Variants in SH2D4B observed in about 807,000 individuals in gnomAD.
The protein encoded by SH2D4B is SH2 domain-containing protein 4B.
Under a neutral mutation model 61.5 loss-of-function variants are expected in SH2D4B, and 45 were observed. That is an observed-to-expected ratio of 0.73 (90% CI 0.58 to 0.94). The LOEUF (loss-of-function observed/expected upper bound fraction) is 0.94, where lower values mean the gene tolerates loss of function less well. Ranked by LOEUF, SH2D4B falls within the 40% of genes least tolerant of loss-of-function variation. SH2D4B has a pLI of 0.00. For missense variants in SH2D4B, 572 were observed against 574.2 expected (o/e 1.00, Z 0.04); for synonymous variants, 224 against 220.4 (o/e 1.02, Z -0.14).
chr10:80,547,597 G>T (rs977580175), intron 1 of SH2D4B, among the ~76,000 whole-genome samples: 7 of 152,170 alleles, frequency 4.6e-5, no homozygotes, highest in African/African-American at 1.7e-4. Flanking sequence ...GTGACTGACA[G>T]AATCTCCTCC....
At position 80,539,729 on chromosome 10, in the gene SH2D4B, T is replaced by C. The variant is rs1841553617; in HGVS notation, c.184+1214T>C. Among the ~76,000 whole-genome samples the C allele has an allele frequency of 6.6e-6, 1 of 152,154 alleles. No homozygotes were observed. Among genetic ancestry groups the C allele is most frequent in the South Asian group, 2.1e-4 (1 of 4,832 alleles). ...CTCATCTGCTTGCCTGGCTCTCCGA[T>C]GGGCTCAAAGGCACTGGTGTGTGAG... On this transcript the variant is annotated intron_variant, in intron 1 of 7. Transcript: ENST00000646907. This position sits in a 1 kb window ranked among gnomAD's most constrained non-coding sequence, Gnocchi z 4.9.
rs1043227365 is a variant in SH2D4B at position 80,562,905 on chromosome 10, T to C, written c.185-7249T>C. On this transcript the variant is annotated intron_variant, in intron 1 of 7. Coordinates refer to ENST00000646907, the MANE Select transcript of SH2D4B (RefSeq NM_001388272.1). ...GCTGAACATTTTTTCTTTTTTTTTTTTTTTTTTTTTTTTTGAGACGGAGTC... is the reference window on the plus strand; with the variant it reads ...GCTGAACATTTTTTCTTTTTTTTTTCTTTTTTTTTTTTTTGAGACGGAGTC... 8.8e-3 allele frequency among the ~76,000 whole-genome samples: 1,203 copies of C among 136,660 alleles called. 14 individuals are homozygous for C. The highest frequency in any genetic ancestry group is 0.031 in the African/African-American group (1,124 of 36,578). 89.7% of individuals were successfully genotyped at this position (136,660 alleles called of 152,430 possible). A position where few individuals can be genotyped will look rare whatever the true frequency, so the allele number is the denominator to read the frequency against.
intron 1 of SH2D4B, among the ~76,000 whole-genome samples, chr10:80,558,563 T>C (rs2125037): frequency 0.41 from 62,069 of 152,006 alleles, 16,146 homozygotes; most frequent in African/African-American, 0.75. Context: ...TCACTGCAAC[T>C]TCCATCTTCT....
rs869061750 is a variant in SH2D4B, at chr10:80,572,945, AAT to A, written c.495+1408_495+1409del. Reference sequence around the variant, plus strand: ...TGTTGGCCTTTTCATGTATGTTGCAAATATATATATATATATATATATATATA... The same window carrying A: ...TGTTGGCCTTTTCATGTATGTTGCAAATATATATATATATATATATATATA... On this transcript the variant is annotated intron_variant, in intron 3 of 7. Transcript: ENST00000646907. Among the ~76,000 whole-genome samples, 152 of 20,650 alleles carry A rather than the reference AAT, an allele frequency of 7.4e-3. 1 individual carries two copies. The highest frequency in any genetic ancestry group is 0.011 in the African/African-American group (72 of 6,332). The allele number at this position is 20,650 out of a possible 152,430, so 13.5% of individuals were successfully genotyped here.
chr10:80,553,567 G>A (rs999261039), intron 1 of SH2D4B, among the ~76,000 whole-genome samples: 3 of 152,222 alleles, frequency 2.0e-5, no homozygotes, highest in Admixed American at 6.5e-5. Flanking sequence ...TCATGGCCCC[G>A]GTGGGAGCTG....
intron 7 of SH2D4B, among the ~76,000 whole-genome samples, chr10:80,634,722 C>T (rs1056437106): frequency 2.0e-5 from 3 of 152,140 alleles, no homozygotes; most frequent in South Asian, 2.1e-4. Flanking sequence ...CTGGGGCATG[C>T]GGGCACCTCT....
At chr10:80,613,014 C>T (rs1842618905) in intron 6 of SH2D4B, among the ~76,000 whole-genome samples, 1 of 152,172 alleles carries the variant, frequency 6.6e-6, no homozygotes, top group Non-Finnish European at 1.5e-5. Flanking sequence ...CTTTGTCCAC[C>T]ATAAAAAGCC....
Position 80,634,523 on chromosome 10 carries a change from A to G in SH2D4B, c.1209+18A>G. The G allele has an allele frequency of 6.5e-7, 1 of 1,546,754 alleles. No individual in the cohort carries two copies. Among genetic ancestry groups the G allele is most frequent in the Non-Finnish European group, 8.7e-7 (1 of 1,145,544 alleles). On this transcript the variant is annotated intron_variant, in intron 7 of 7. Transcript: ENST00000646907. The stretch of plus-strand genomic sequence containing the variant: ...TCCATAAGGTATCCCTCACAGGGAT[A>G]CTAATGGGGGGGAGGGGGAACTGGT...
At chr10:80,557,413 T>G (rs549185439) in intron 1 of SH2D4B, among the ~76,000 whole-genome samples, 32 of 152,278 alleles carry the variant, frequency 2.1e-4, no homozygotes, top group African/African-American at 7.2e-4. Flanking sequence ...TATTCTCTCC[T>G]CTTCCATTTT....
chr10:80,625,847 T>G (rs953860331), intron 6 of SH2D4B, among the ~76,000 whole-genome samples: 1 of 152,068 alleles, frequency 6.6e-6, no homozygotes, highest in Non-Finnish European at 1.5e-5. Context: ...GTGCTGGAAT[T>G]ACATGTGTGA....
chr10:80,549,203 T>G (rs1207502733), intron 1 of SH2D4B, among the ~76,000 whole-genome samples: 147 of 120,298 alleles, frequency 1.2e-3, no homozygotes, highest in African/African-American at 5.5e-3. Context: ...TGGGACTTGA[T>G]TGTGTGTGTG....
intron 4 of SH2D4B, among the ~76,000 whole-genome samples, chr10:80,599,449 C>T (rs1010619579): frequency 1.3e-5 from 2 of 152,204 alleles, no homozygotes; most frequent in Non-Finnish European, 2.9e-5. Context: ...CGATTAGTGT[C>T]CTGCTTAGGG....
intron 1 of SH2D4B, among the ~76,000 whole-genome samples, chr10:80,553,441 T>C (rs1005720096): frequency 1.3e-5 from 2 of 152,230 alleles, no homozygotes; most frequent in Non-Finnish European, 2.9e-5. Flanking sequence ...CACTGGCACA[T>C]TGATTCTGCT....
chr10:80,592,963 C>T (rs187568131), intron 4 of SH2D4B, among the ~76,000 whole-genome samples: 11 of 152,182 alleles, frequency 7.2e-5, no homozygotes, highest in African/African-American at 2.4e-4. Context: ...AAACGATCTG[C>T]CTGCTTTGGC....
intron 1 of SH2D4B, among the ~76,000 whole-genome samples, chr10:80,562,510 T>C (rs1307503131): frequency 1.3e-5 from 2 of 152,360 alleles, no homozygotes; most frequent in East Asian, 3.9e-4. Flanking sequence ...ACATTTTCTC[T>C]ATCCATTTCT....
At chr10:80,639,807 T>C (rs554920124) in intron 7 of SH2D4B, among the ~76,000 whole-genome samples, 48 of 152,342 alleles carry the variant, frequency 3.2e-4, no homozygotes, top group African/African-American at 1.2e-3. Flanking sequence ...TATGTGTGAA[T>C]TTGATCCTGT....
At chr10:80,588,540 C>CA (rs1842286152) in intron 3 of SH2D4B, 90 bp from the exon 4 acceptor site, 1 of 1,532,904 alleles carries the variant, frequency 6.5e-7, no homozygotes, top group African/African-American at 1.4e-5. Flanking sequence ...CTCTCAGCCC[C>CA]ATCCACTGCA....
At chr10:80,605,671 A>C (rs935573692) in intron 5 of SH2D4B, among the ~76,000 whole-genome samples, 6 of 152,126 alleles carry the variant, frequency 3.9e-5, no homozygotes, top group African/African-American at 1.4e-4. Flanking sequence ...GGTGCGTGCC[A>C]TCACACCCGG....
intron 7 of SH2D4B, among the ~76,000 whole-genome samples, chr10:80,643,245 CTT>C (rs78663378): frequency 2.2e-5 from 3 of 137,676 alleles, no homozygotes; most frequent in Admixed American, 7.2e-5. Flanking sequence ...TTAAGTGGTT[CTT>C]TTTTTTTTTT....
Sources: gnomAD v4.1 joint callset for allele counts (sites outside exome capture counted in the v4.1 genomes callset) on GRCh38, gnomAD v4.1.1 for gene constraint, Gnocchi (gnomAD v3.1) non-coding constraint, MANE v1.5 for transcripts, NCBI Gene and HGNC (gene_info 2026-07-23, HGNC 2026-07-21) for gene names.